SLC7A11: variants seen among roughly 807,000 people sequenced by gnomAD.
SLC7A11 encodes cystine/glutamate transporter.
A neutral mutation model predicts 54.5 loss-of-function variants in SLC7A11; 35 were observed. The observed-to-expected ratio is 0.64, with a 90% CI of 0.49 to 0.85. The LOEUF (loss-of-function observed/expected upper bound fraction) is 0.85, where lower values mean the gene tolerates loss of function less well. SLC7A11 is among the 40% of genes least tolerant of loss of function. SLC7A11 has a pLI of 0.00. For missense variants in SLC7A11, 583 were observed against 618.1 expected (o/e 0.94, Z 0.60); for synonymous variants, 230 against 225.2 (o/e 1.02, Z -0.19).
intron 3 of SLC7A11, among the ~76,000 whole-genome samples, chr4:138,230,414 A>C (rs1280695137): frequency 2.7e-4 from 2 of 7,424 alleles, no homozygotes; most frequent in Non-Finnish European, 2.2e-3. Flanking sequence ...AATGAAAGCT[A>C]AAAAAAAAAA....
Position 138,242,312 on chromosome 4 carries a change from C to T in SLC7A11, c.-243G>A. 1 of 522,608 alleles carries T rather than the reference C, an allele frequency of 1.9e-6. No homozygotes were observed. The highest frequency in any genetic ancestry group is 3.4e-6 in the Non-Finnish European group (1 of 290,610). 32.4% of individuals were successfully genotyped at this position (522,608 alleles called of 1,614,324 possible). On this transcript the variant is annotated 5_prime_UTR_variant, in exon 1 of 12. Transcript: ENST00000280612. ...TCTCCACCTCCTCGTTCCACCACTG[C>T]TGCTGCTGCTGCTGCTGCCGCCCTA...
At chr4:138,189,268 T>C (rs891392539) in intron 6 of SLC7A11, among the ~76,000 whole-genome samples, 18 of 152,186 alleles carry the variant, frequency 1.2e-4, no homozygotes, top group African/African-American at 4.3e-4. Flanking sequence ...ATTTTATCTT[T>C]AAATATATGC....
rs757113022 is a variant in SLC7A11 at position 138,219,249 on chromosome 4, T to C, written c.746+17A>G. On this transcript the variant is annotated intron_variant, in intron 5 of 11. Transcript: ENST00000280612. ...AATGAACTACGCAAACCACCAGATC[T>C]GGAGCTATCAACTTACCAGCCAGCA... 2 of 1,424,940 alleles carry C rather than the reference T, an allele frequency of 1.4e-6. No homozygotes were observed. The highest frequency in any genetic ancestry group is 2.0e-6 in the Non-Finnish European group (2 of 1,008,542). The allele number at this position is 1,424,940 out of a possible 1,614,324, so 88.3% of individuals were successfully genotyped here.
chr4:138,226,421 A>G (rs1007288632), intron 3 of SLC7A11, among the ~76,000 whole-genome samples: 9 of 152,138 alleles, frequency 5.9e-5, no homozygotes, highest in Non-Finnish European at 1.3e-4. Context: ...TTTAAGAAAA[A>G]AAAAGATGAA....
intron 11 of SLC7A11, among the ~76,000 whole-genome samples, chr4:138,173,495 G>T (rs1316937623): frequency 6.6e-6 from 1 of 151,942 alleles, no homozygotes; most frequent in Non-Finnish European, 1.5e-5. Context: ...TAAGCTGGGT[G>T]TGATGGTGCA....
rs146944326 is a variant in SLC7A11, at chr4:138,180,774, A to G, written c.1133T>C (p.Ile378Thr). Residue 378 changes from isoleucine (I) to threonine (T), a missense_variant, in exon 10 of 12, where the codon ATA (isoleucine) becomes ACA (threonine). Coordinates refer to ENST00000280612, the MANE Select transcript of SLC7A11 (RefSeq NM_014331.4). The part of the protein sequence containing the change: ...AVIVLHPLTM[I>T]MLFSGDLDSL... ...GTCGAGGTCTCCAGAGAAGAGCATT[A>G]TCATTGTCAAAGGGTGCTGAGGGGG... is the stretch of plus-strand genomic sequence containing the variant. 863 of 1,612,614 alleles carry G rather than the reference A, an allele frequency of 5.4e-4. No individual in the cohort carries two copies. Among genetic ancestry groups the G allele is most frequent in the Admixed American group, 7.7e-4 (46 of 59,828 alleles).
chr4:138,178,934 A>G (rs1488512852), intron 11 of SLC7A11, among the ~76,000 whole-genome samples: 1 of 152,130 alleles, frequency 6.6e-6, no homozygotes, highest in Non-Finnish European at 1.5e-5. Context: ...GGATTCAAAG[A>G]GAGATTAGGT....
At chr4:138,172,150 A>G in intron 11 of SLC7A11, 133 bp from the exon 12 acceptor site, 1 of 886,726 alleles carries the variant, frequency 1.1e-6, no homozygotes, top group South Asian at 2.2e-5. Flanking sequence ...TTCAAGAATT[A>G]TTTACTTCAT....
intron 3 of SLC7A11, among the ~76,000 whole-genome samples, chr4:138,229,091 C>A (rs1738014822): frequency 6.6e-6 from 1 of 152,126 alleles, no homozygotes; most frequent in Non-Finnish European, 1.5e-5. Context: ...TTCAGGTTTG[C>A]CCTTTTTCTA....
intron 6 of SLC7A11, among the ~76,000 whole-genome samples, chr4:138,199,782 C>T (rs1737232259): frequency 6.6e-6 from 1 of 152,080 alleles, no homozygotes; most frequent in Admixed American, 6.6e-5. Flanking sequence ...GAAGATTTCT[C>T]CCTTGCTGCA....
chr4:138,239,688 A>G (rs1348130400), intron 1 of SLC7A11, among the ~76,000 whole-genome samples: 1 of 151,850 alleles, frequency 6.6e-6, no homozygotes, highest in African/African-American at 2.4e-5. Context: ...TTTTTTTTTG[A>G]GCTTTTGCTT....
intron 4 of SLC7A11, among the ~76,000 whole-genome samples, chr4:138,221,787 CT>C (rs1737820028): frequency 6.6e-6 from 1 of 152,158 alleles, no homozygotes; most frequent in Admixed American, 6.5e-5. Flanking sequence ...CCTATAGTAT[CT>C]TACATTACAC....
chr4:138,231,994 C>G (rs74530846), intron 3 of SLC7A11, among the ~76,000 whole-genome samples: 1,983 of 152,188 alleles, frequency 0.013, 27 homozygotes, highest in African/African-American at 0.032. Flanking sequence ...CTTTAAAAGT[C>G]TTGTTCATGT....
chr4:138,196,649 TTTATTATTTTATTTTA>T (rs1737139060), intron 6 of SLC7A11, among the ~76,000 whole-genome samples: 1 of 151,628 alleles, frequency 6.6e-6, no homozygotes, highest in South Asian at 2.1e-4. Context: ...TAATTTAATT[TTTATTATTTTATTTTA>T]TTATTATTTT....
chr4:138,237,737 A>ATATATATATT (rs1560742768), intron 1 of SLC7A11, among the ~76,000 whole-genome samples: 1 of 9,828 alleles, frequency 1.0e-4, no homozygotes, highest in Non-Finnish European at 1.7e-4. Flanking sequence ...ATATATATAT[A>ATATATATATT]TTTTTTTTTT....
chr4:138,172,448 T>C (rs1736449873), intron 11 of SLC7A11, among the ~76,000 whole-genome samples: 1 of 152,198 alleles, frequency 6.6e-6, no homozygotes, highest in African/African-American at 2.4e-5. Flanking sequence ...CTCTAACTTG[T>C]AACATGTTAT....
chr4:138,173,888 C>G (rs1471491990), intron 11 of SLC7A11, among the ~76,000 whole-genome samples: 12 of 151,946 alleles, frequency 7.9e-5, no homozygotes, highest in Admixed American at 7.9e-4. Flanking sequence ...AAATGACAAA[C>G]TTATTCTATA....
In SLC7A11 at chr4:138,171,729, T is replaced by C. The variant is rs368822459; in HGVS notation, c.*227A>G. The C allele has an allele frequency of 3.2e-4, 153 of 476,842 alleles. 1 individual carries two copies. In the East Asian group the frequency reaches 4.1e-3, roughly 13 times the overall value. The allele number at this position is 476,842 out of a possible 1,614,324, so 29.5% of individuals were successfully genotyped here. A position where few individuals can be genotyped will look rare whatever the true frequency, so the allele number is the denominator to read the frequency against. ...TAGGTAGGTATCAGAGACTCAAGAA[T>C]TGTGCGACTCATAGAATAACTGCAT... is the stretch of plus-strand genomic sequence containing the variant. On this transcript the variant is annotated 3_prime_UTR_variant, in exon 12 of 12. Transcript: ENST00000280612.
At chr4:138,187,065 A>G (rs1255647242) in intron 6 of SLC7A11, among the ~76,000 whole-genome samples, 1 of 152,190 alleles carries the variant, frequency 6.6e-6, no homozygotes, top group Non-Finnish European at 1.5e-5. Context: ...GTACGGTCAC[A>G]TCACATGATG....
Sources: gnomAD v4.1 joint callset for allele counts (sites outside exome capture counted in the v4.1 genomes callset) on GRCh38, gnomAD v4.1.1 for gene constraint, MANE v1.5 for transcripts, NCBI Gene and HGNC (gene_info 2026-07-23, HGNC 2026-07-21) for gene names.